The following NCOA5 variants were observed in gnomAD, a reference collection of about 807,000 sequenced individuals.
The protein encoded by NCOA5 is NCoA-5.
Under a neutral mutation model 59.0 loss-of-function variants are expected in NCOA5, and 12 were observed. The observed-to-expected ratio is 0.20, with a 90% CI of 0.13 to 0.33. The LOEUF is 0.33. NCOA5 is among the 10% of genes least tolerant of loss of function. The probability of loss-of-function intolerance (pLI) is 1.00; values close to 1 mark genes in which losing one functional copy is unlikely to be tolerated. For synonymous variants in NCOA5, 270 were observed against 275.5 expected (o/e 0.98, Z 0.20); for missense variants, 655 against 766.6 (o/e 0.85, Z 1.72).
At chr20:46,068,907 C>T (rs543371368) in intron 3 of NCOA5, among the ~76,000 whole-genome samples, 57 of 152,222 alleles carry the variant, frequency 3.7e-4, no homozygotes, top group African/African-American at 1.2e-3. Flanking sequence ...CTCCCTTGTG[C>T]TTTTTAAAAT....
rs543923160 is a variant in NCOA5, at chr20:46,065,244, A to G, written c.630-16T>C. On this transcript the variant is annotated splice_polypyrimidine_tract_variant and intron_variant, in intron 5 of 7. Coordinates refer to ENST00000290231, the MANE Select transcript of NCOA5 (RefSeq NM_020967.3). ...AGCATAGTCTCTGTAAAAATAAATA[A>G]GATCCAGGTGAGCGACCAACTCCAA... The G allele has an allele frequency of 6.2e-6, 10 of 1,613,946 alleles. No homozygotes were observed. The South Asian group carries it at 1.1e-4, about 18-fold the overall frequency.
chr20:46,083,917 T>C (rs1479532803), intron 1 of NCOA5, among the ~76,000 whole-genome samples: 2 of 152,250 alleles, frequency 1.3e-5, no homozygotes, highest in Non-Finnish European at 2.9e-5. Flanking sequence ...GAGAATGTTA[T>C]GCTTGCTCTT....
chr20:46,077,504 T>C (rs961181285), intron 2 of NCOA5, among the ~76,000 whole-genome samples: 14 of 152,194 alleles, frequency 9.2e-5, no homozygotes, highest in African/African-American at 2.9e-4. Context: ...ACAGGATCTA[T>C]TCTCTATTCT....
chr20:46,065,929 T>G (rs4812989), intron 5 of NCOA5, among the ~76,000 whole-genome samples: 3,890 of 152,236 alleles, frequency 0.026, 166 homozygotes, highest in African/African-American at 0.089. Context: ...AAAAATAATT[T>G]ATGTAAGGCA....
At chr20:46,063,117 A>G (rs931042796) in intron 7 of NCOA5, among the ~76,000 whole-genome samples, 1 of 152,228 alleles carries the variant, frequency 6.6e-6, no homozygotes, top group Non-Finnish European at 1.5e-5. Context: ...CATCCTGGCT[A>G]CCACGGAGCC....
chr20:46,085,447 T>A (rs929762337), intron 1 of NCOA5, among the ~76,000 whole-genome samples: 1 of 149,476 alleles, frequency 6.7e-6, no homozygotes, highest in Non-Finnish European at 1.5e-5. Flanking sequence ...GTGTGGCAGG[T>A]GAAAGGAACA....
intron 1 of NCOA5, among the ~76,000 whole-genome samples, chr20:46,084,970 G>A (rs1020855249): frequency 6.6e-6 from 1 of 152,166 alleles, no homozygotes; most frequent in African/African-American, 2.4e-5. Flanking sequence ...CCTACTATGT[G>A]TCACACATGT....
chr20:46,074,568 G>C (rs1310232827), intron 2 of NCOA5, among the ~76,000 whole-genome samples: 1 of 152,138 alleles, frequency 6.6e-6, no homozygotes, highest in Non-Finnish European at 1.5e-5. Flanking sequence ...GGGGGAAAAA[G>C]GCAAATACTC....
chr20:46,074,851 G>C (rs2084920093), intron 2 of NCOA5, among the ~76,000 whole-genome samples: 1 of 152,156 alleles, frequency 6.6e-6, no homozygotes, highest in African/African-American at 2.4e-5. Context: ...GTTTTCTTTG[G>C]CTTTGGTTCT....
chr20:46,087,978 T>C (rs909794180), intron 1 of NCOA5, among the ~76,000 whole-genome samples: 11 of 151,068 alleles, frequency 7.3e-5, no homozygotes, highest in Non-Finnish European at 1.6e-4. Context: ...CACACACACA[T>C]ATATATACAT....
chr20:46,062,453 A>G lies in NCOA5; in HGVS notation c.1587T>C (p.Ser529=). The change falls in exon 8 of 8, where the codon TCT becomes TCC. Residue 529 remains serine, a synonymous_variant. Transcript: ENST00000290231. ...GATTGTCAAAGTTGATACCTGTGGA[A>G]GACACAGGCCTCTGGCTAGTCATGT... The part of the protein sequence containing the change: ...ASNMTSQRPV[S]STGINFDNPS... 1.9e-6 allele frequency: 3 copies of G among 1,614,130 alleles called. No individual in the cohort carries two copies. The highest frequency in any genetic ancestry group is 2.5e-6 in the Non-Finnish European group (3 of 1,180,006).
At chr20:46,079,900 T>C (rs1022323788) in intron 1 of NCOA5, among the ~76,000 whole-genome samples, 2 of 152,198 alleles carry the variant, frequency 1.3e-5, no homozygotes, top group African/African-American at 4.8e-5. Flanking sequence ...TAAGAAGTAA[T>C]AGCTGGATTT....
Position 46,062,574 on chromosome 20 carries a change from C to T in NCOA5, c.1466G>A (p.Gly489Glu), listed in dbSNP as rs768235581. 10 of 1,614,090 alleles carry T rather than the reference C, an allele frequency of 6.2e-6. No homozygotes were observed. In the South Asian group the frequency reaches 1.1e-4, roughly 18 times the overall value. The part of the protein sequence containing the change: ...ASGNQPPSIL[G>E]QGGSAQNMGP... The stretch of plus-strand genomic sequence containing the variant: ...CATGTTCTGAGCAGATCCTCCCTGT[C>T]CCAAAATGCTTGGAGGCTGATTGCC... Residue 489 changes from glycine (G) to glutamate (E), a missense_variant, in exon 8 of 8, where the codon GGA becomes GAA. This residue lies in a region of NCOA5 where 325 missense variants were observed against 353.2 expected (regional missense o/e 0.92). Transcript: ENST00000290231.
At chr20:46,063,294 A>C (rs1301774300) in intron 7 of NCOA5, 66 bp downstream of exon 7, 2 of 1,530,700 alleles carry the variant, frequency 1.3e-6, no homozygotes, top group South Asian at 2.5e-5. Flanking sequence ...ACACCCTCCC[A>C]ACAGAGCCTG....
At chr20:46,064,758 G>A (rs997361888) in intron 6 of NCOA5, among the ~76,000 whole-genome samples, 1 of 152,066 alleles carries the variant, frequency 6.6e-6, no homozygotes, top group Admixed American at 6.6e-5. Context: ...TGCTATAAAC[G>A]CCCTCCCCCC....
intron 1 of NCOA5, among the ~76,000 whole-genome samples, chr20:46,089,587 G>A (rs2085079530): frequency 6.6e-6 from 1 of 152,134 alleles, no homozygotes; most frequent in South Asian, 2.1e-4. Context: ...CCACCACAGA[G>A]AACCGTAGGC....
rs772880233 is a variant in NCOA5, at chr20:46,062,706, G to A, written c.1334C>T (p.Thr445Met). Residue 445 changes from threonine to methionine, a missense_variant, in exon 8 of 8, where the codon ACG becomes ATG. Thr to Met is a moderately conservative substitution (Grantham distance 81). Coordinates refer to ENST00000290231, the MANE Select transcript of NCOA5 (RefSeq NM_020967.3). ...ILSLFNSGTV[T>M]ANSSSASPSV... Reference sequence around the variant, plus strand: ...GGGGGATGCAGAGCTGCTATTGGCCGTCACTGTGCCACTATTGAAGAGGCT... The same window carrying A: ...GGGGGATGCAGAGCTGCTATTGGCCATCACTGTGCCACTATTGAAGAGGCT... 23 of 1,613,908 alleles carry A rather than the reference G, an allele frequency of 1.4e-5. No individual in the cohort carries two copies. The Admixed American group carries it at 2.3e-4, about 16-fold the overall frequency.
At chr20:46,068,460 T>C in intron 4 of NCOA5, 42 bp downstream of exon 4, 1 of 1,570,352 alleles carries the variant, frequency 6.4e-7, no homozygotes, top group Non-Finnish European at 8.6e-7. Flanking sequence ...TTTTGTAAAG[T>C]GTTCTATCAA....
At chr20:46,077,181 A>ATCACAGGTGTGGGCCACTGTGCCTGGC (rs2084946946) in intron 2 of NCOA5, among the ~76,000 whole-genome samples, 1 of 152,204 alleles carries the variant, frequency 6.6e-6, no homozygotes, top group East Asian at 1.9e-4. Flanking sequence ...AAGTGCTGGG[A>ATCACAGGTGTGGGCCACTGTGCCTGGC]TCACAGGTGT....
Sources: allele counts gnomAD v4.1 joint callset (sites outside exome capture counted in the v4.1 genomes callset), GRCh38; gene constraint gnomAD v4.1.1; regional missense constraint gnomAD v4.1.1; transcripts MANE v1.5; gene names NCBI Gene and HGNC (gene_info 2026-07-23, HGNC 2026-07-21).